The following MRPL41 variants were observed in gnomAD, a reference collection of about 807,000 sequenced individuals.
MRPL41 encodes the protein large ribosomal subunit protein mL41.
A neutral mutation model predicts 3.3 loss-of-function variants in MRPL41; 2 were observed. That is an observed-to-expected ratio of 0.60 (90% CI 0.25 to 1.90). The LOEUF is 1.90. Among genes scored for constraint, MRPL41 ranks in the 40% most tolerant of loss-of-function variants. The pLI, the probability that MRPL41 is intolerant of heterozygous loss-of-function variation, is 0.16. For synonymous variants in MRPL41, 93 were observed against 85.7 expected (o/e 1.08, Z -0.47); for missense variants, 161 against 192.2 (o/e 0.84, Z 0.96).
rs750105755 is a variant in MRPL41, at chr9:137,552,473, A to AC, written c.396dup (p.Arg133GlnfsTer21). 6 of 1,563,312 alleles carry AC rather than the reference A, an allele frequency of 3.8e-6. No individual in the cohort carries two copies. Among genetic ancestry groups the AC allele is most frequent in the African/African-American group, 2.8e-5 (2 of 72,442 alleles). ...CAGGAGGGAAAGCTCTTCCAGCTCTACCCCAGGAACTTCCTGCGCTAGCTG... is the reference window on the plus strand; with the variant it reads ...CAGGAGGGAAAGCTCTTCCAGCTCTACCCCCAGGAACTTCCTGCGCTAGCTG... On this transcript the variant is annotated frameshift_variant, in exon 2 of 2. Transcript: ENST00000371443. LOFTEE classifies it high-confidence loss of function.
chr9:137,552,035 G>C, intron 1 of MRPL41, 39 bp from the exon 2 acceptor site: 1 of 1,263,910 alleles, frequency 7.9e-7, no homozygotes, highest in Middle Eastern at 3.0e-4. Flanking sequence ...GGCTGGCCGG[G>C]TTCCCGGGGC....
rs900102497 is a variant in MRPL41 at position 137,551,942 on chromosome 9, G to T, written c.-45G>T. 14 of 648,174 alleles carry T rather than the reference G, an allele frequency of 2.2e-5. No individual in the cohort carries two copies. The African/African-American group carries it at 2.3e-4, about 11-fold the overall frequency. 40.2% of individuals were successfully genotyped at this position (648,174 alleles called of 1,614,324 possible). On this transcript the variant is annotated 5_prime_UTR_variant, in exon 1 of 2. Transcript: ENST00000371443. ...TCGAGGCCGGGTTGGCGCCGGAGCC[G>T]GGGCCGCTTGGAGCTCGTGTGGGGT...
intron 1 of MRPL41, 34 bp from the exon 2 acceptor site, chr9:137,552,040 C>G: frequency 7.9e-7 from 1 of 1,266,820 alleles, no homozygotes; most frequent in Non-Finnish European, 9.9e-7. Context: ...GCCGGGTTCC[C>G]GGGGCCGCGA....
chr9:137,552,300 C>T lies in MRPL41; in HGVS notation c.219C>T (p.Tyr73=), dbSNP rs745625583. 15 of 1,606,638 alleles carry T rather than the reference C, an allele frequency of 9.3e-6. No individual in the cohort carries two copies. The highest frequency in any genetic ancestry group is 1.1e-5 in the South Asian group (1 of 90,494). The change falls in exon 2 of 2, where the codon TAC becomes TAT. Residue 73 remains tyrosine (Y), a synonymous_variant. Transcript: ENST00000371443. ...TGACCGGCTTCAAGCTCAAGCCCTA[C>T]GTGAGCTACCTCGCCCCTGAGAGCG... ...PDLTGFKLKP[Y]VSYLAPESEE...
rs773763995 is a variant in MRPL41 at position 137,552,507 on chromosome 9, AG to A, written c.*16del. The stretch of plus-strand genomic sequence containing the variant: ...ACTTCCTGCGCTAGCTGGGCGGGGG[AG>A]GGGCGGCCTGCCCTCATCTCATTTC... On this transcript the variant is annotated 3_prime_UTR_variant, in exon 2 of 2. Transcript: ENST00000371443. 6.5e-7 allele frequency: 1 copy of A among 1,534,598 alleles called. No individual in the cohort carries two copies. The highest frequency in any genetic ancestry group is 8.8e-7 in the Non-Finnish European group (1 of 1,139,296).
At position 137,552,390 on chromosome 9, in the gene MRPL41, C is replaced by T. The variant is rs781268998; in HGVS notation, c.309C>T (p.Asp103=). Residue 103 remains aspartate (D), a synonymous_variant, in exon 2 of 2, where the codon GAC becomes GAT. Transcript: ENST00000371443. ...SEAVAPAIEK[D]FKDGTFDPDN... Reference sequence around the variant, plus strand: ...CCGTGGCGCCTGCCATCGAAAAGGACTTCAAGGACGGTACCTTCGACCCTG... The same window carrying T: ...CCGTGGCGCCTGCCATCGAAAAGGATTTCAAGGACGGTACCTTCGACCCTG... 5.0e-6 allele frequency: 8 copies of T among 1,610,672 alleles called. No homozygotes were observed. The African/African-American group carries it at 6.7e-5, about 13-fold the overall frequency.
At chr9:137,552,005 C>G in intron 1 of MRPL41, 27 bp downstream of exon 1, 1 of 1,180,844 alleles carries the variant, frequency 8.5e-7, no homozygotes, top group Non-Finnish European at 1.1e-6. Flanking sequence ...GGGGCGGGCG[C>G]CGCGCGCGGC....
In MRPL41 at chr9:137,552,310, C is replaced by T. The variant is rs769777430; in HGVS notation, c.229C>T (p.Leu77Phe). ...CAAGCTCAAGCCCTACGTGAGCTACCTCGCCCCTGAGAGCGAGGAGACGCC... is the reference window on the plus strand; with the variant it reads ...CAAGCTCAAGCCCTACGTGAGCTACTTCGCCCCTGAGAGCGAGGAGACGCC... ...GFKLKPYVSY[L>F]APESEETPLT... Residue 77 changes from leucine to phenylalanine, a missense_variant, in exon 2 of 2, where the codon CTC (leucine) becomes TTC (phenylalanine). By Grantham distance (22) the Leu-to-Phe change is conservative. Transcript: ENST00000371443. The T allele has an allele frequency of 1.9e-6, 3 of 1,608,754 alleles. No homozygotes were observed. Among genetic ancestry groups the T allele is most frequent in the East Asian group, 2.2e-5 (1 of 44,564 alleles).
In MRPL41 at chr9:137,552,183, G is replaced by T; in HGVS notation, c.102G>T (p.Lys34Asn). ...KRGPRSFRGR[K>N]GRGAKGIGFL... The stretch of plus-strand genomic sequence containing the variant: ...GCCCGCGCAGCTTCAGGGGCCGCAA[G>T]GGCCGGGGCGCCAAGGGCATCGGCT... The change falls in exon 2 of 2, where the codon AAG becomes AAT. Residue 34 changes from lysine to asparagine, a missense_variant. Coordinates refer to ENST00000371443, the MANE Select transcript of MRPL41 (RefSeq NM_032477.3). 6.5e-7 allele frequency: 1 copy of T among 1,548,136 alleles called. No homozygotes were observed. The highest frequency in any genetic ancestry group is 8.7e-7 in the Non-Finnish European group (1 of 1,149,446).
Position 137,552,317 on chromosome 9 carries a change from C to T in MRPL41, c.236C>T (p.Pro79Leu), listed in dbSNP as rs772187682. The change falls in exon 2 of 2, where the codon CCT (proline) becomes CTT (leucine). Residue 79 changes from proline (P) to leucine (L), a missense_variant. By Grantham distance (98) the Pro-to-Leu change is moderately conservative. Transcript: ENST00000371443. ...KLKPYVSYLAPESEETPLTAA... is the reference protein window; with the variant it reads ...KLKPYVSYLALESEETPLTAA... ...AAGCCCTACGTGAGCTACCTCGCCCCTGAGAGCGAGGAGACGCCCCTGACG... is the reference window on the plus strand; with the variant it reads ...AAGCCCTACGTGAGCTACCTCGCCCTTGAGAGCGAGGAGACGCCCCTGACG... 1.2e-6 allele frequency: 2 copies of T among 1,609,718 alleles called. No homozygotes were observed. The highest frequency in any genetic ancestry group is 1.7e-6 in the Non-Finnish European group (2 of 1,178,502).
In MRPL41 at chr9:137,552,299, A is replaced by G. The variant is rs1245214168; in HGVS notation, c.218A>G (p.Tyr73Cys). 6.2e-7 allele frequency: 1 copy of G among 1,606,674 alleles called. No homozygotes were observed. The highest frequency in any genetic ancestry group is 8.5e-7 in the Non-Finnish European group (1 of 1,176,698). Residue 73 changes from tyrosine (Y) to cysteine (C), a missense_variant, in exon 2 of 2, where the codon TAC becomes TGC. Transcript: ENST00000371443. ...CTGACCGGCTTCAAGCTCAAGCCCTACGTGAGCTACCTCGCCCCTGAGAGC... is the reference window on the plus strand; with the variant it reads ...CTGACCGGCTTCAAGCTCAAGCCCTGCGTGAGCTACCTCGCCCCTGAGAGC... ...PDLTGFKLKP[Y>C]VSYLAPESEE...
rs773940083 is a variant in MRPL41 at position 137,552,462 on chromosome 9, C to T, written c.381C>T (p.Leu127=). 2 of 1,582,760 alleles carry T rather than the reference C, an allele frequency of 1.3e-6. No individual in the cohort carries two copies. Among genetic ancestry groups the T allele is most frequent in the South Asian group, 2.3e-5 (2 of 88,584 alleles). The change falls in exon 2 of 2, where the codon CTC becomes CTT. Residue 127 remains leucine, a synonymous_variant. Transcript: ENST00000371443. The part of the protein sequence containing the change: ...YGFEPTQEGK[L]FQLYPRNFLR Reference sequence around the variant, plus strand: ...TCGAGCCCACACAGGAGGGAAAGCTCTTCCAGCTCTACCCCAGGAACTTCC... The same window carrying T: ...TCGAGCCCACACAGGAGGGAAAGCTTTTCCAGCTCTACCCCAGGAACTTCC...
rs1443780505 is a variant in MRPL41 at position 137,551,926 on chromosome 9, G to C, written c.-61G>C. 5.7e-6 allele frequency: 3 copies of C among 523,604 alleles called. No individual in the cohort carries two copies. In the African/African-American group the frequency reaches 5.9e-5, roughly 10 times the overall value. The allele number at this position is 523,604 out of a possible 1,614,324, so 32.4% of individuals were successfully genotyped here. A position where few individuals can be genotyped will look rare whatever the true frequency, so the allele number is the denominator to read the frequency against. On this transcript the variant is annotated 5_prime_UTR_variant, in exon 1 of 2. Transcript: ENST00000371443. ...CGGAAGCGGAGCAAGGTCGAGGCCG[G>C]GTTGGCGCCGGAGCCGGGGCCGCTT...
rs890938616 is a variant in MRPL41, at chr9:137,551,978, G to C, written c.-9G>C. 9.2e-6 allele frequency: 9 copies of C among 983,216 alleles called. No homozygotes were observed. Among genetic ancestry groups the C allele is most frequent in the East Asian group, 6.8e-5 (2 of 29,290 alleles). The allele number at this position is 983,216 out of a possible 1,614,324, so 60.9% of individuals were successfully genotyped here. ...GAGCTCGTGTGGGGTCTCCGGTCCA[G>C]GTGAGTCTGTCGGATTGGGGCGGGC... is the stretch of plus-strand genomic sequence containing the variant. On this transcript the variant is annotated splice_region_variant and 5_prime_UTR_variant, in exon 1 of 2. Coordinates refer to ENST00000371443, the MANE Select transcript of MRPL41 (RefSeq NM_032477.3).
rs1230117097 is a variant in MRPL41, at chr9:137,552,377, C to T, written c.296C>T (p.Ala99Val). The T allele has an allele frequency of 6.2e-7, 1 of 1,611,524 alleles. No homozygotes were observed. Among genetic ancestry groups the T allele is most frequent in the Non-Finnish European group, 8.5e-7 (1 of 1,179,276 alleles). The change falls in exon 2 of 2, where the codon GCC becomes GTC. Residue 99 changes from alanine to valine, a missense_variant. Transcript: ENST00000371443. ...CTCTTCAGCGAAGCCGTGGCGCCTG[C>T]CATCGAAAAGGACTTCAAGGACGGT... ...AQLFSEAVAPAIEKDFKDGTF... is the reference protein window; with the variant it reads ...AQLFSEAVAPVIEKDFKDGTF...
Position 137,552,222 on chromosome 9 carries a change from C to G in MRPL41, c.141C>G (p.Gly47=). The G allele has an allele frequency of 6.4e-7, 1 of 1,569,994 alleles. No homozygotes were observed. The highest frequency in any genetic ancestry group is 1.7e-4 in the Middle Eastern group (1 of 5,878). The change falls in exon 2 of 2, where the codon GGC becomes GGG. Residue 47 remains glycine (G), a synonymous_variant. Coordinates refer to ENST00000371443, the MANE Select transcript of MRPL41 (RefSeq NM_032477.3). ...GAKGIGFLTS[G]WRFVQIKEMV... ...AGGGCATCGGCTTCCTCACCTCGGG[C>G]TGGAGGTTCGTGCAGATCAAGGAGA... is the stretch of plus-strand genomic sequence containing the variant.
rs757166072 is a variant in MRPL41 at position 137,552,296 on chromosome 9, C to A, written c.215C>A (p.Pro72His). ...GATCTGACCGGCTTCAAGCTCAAGCCCTACGTGAGCTACCTCGCCCCTGAG... is the reference window on the plus strand; with the variant it reads ...GATCTGACCGGCTTCAAGCTCAAGCACTACGTGAGCTACCTCGCCCCTGAG... ...VPDLTGFKLK[P>H]YVSYLAPESE... The change falls in exon 2 of 2, where the codon CCC (proline) becomes CAC (histidine). Residue 72 changes from proline to histidine, a missense_variant. Coordinates refer to ENST00000371443, the MANE Select transcript of MRPL41 (RefSeq NM_032477.3). The A allele has an allele frequency of 1.9e-6, 3 of 1,604,776 alleles. No homozygotes were observed. Among genetic ancestry groups the A allele is most frequent in the Non-Finnish European group, 2.6e-6 (3 of 1,175,426 alleles).
Position 137,552,377 on chromosome 9 carries a change from C to G in MRPL41, c.296C>G (p.Ala99Gly). The part of the protein sequence containing the change: ...AQLFSEAVAP[A>G]IEKDFKDGTF... ...CTCTTCAGCGAAGCCGTGGCGCCTG[C>G]CATCGAAAAGGACTTCAAGGACGGT... is the stretch of plus-strand genomic sequence containing the variant. The change falls in exon 2 of 2, where the codon GCC (alanine) becomes GGC (glycine). Residue 99 changes from alanine (A) to glycine (G), a missense_variant. By Grantham distance (60) the Ala-to-Gly change is moderately conservative. Transcript: ENST00000371443. 6.2e-7 allele frequency: 1 copy of G among 1,611,524 alleles called. No homozygotes were observed.
At position 137,552,068 on chromosome 9, in the gene MRPL41, C is replaced by T. The variant is rs760570360; in HGVS notation, c.-8-6C>T. 22 of 1,331,932 alleles carry T rather than the reference C, an allele frequency of 1.7e-5. No individual in the cohort carries two copies. In the African/African-American group the frequency reaches 2.1e-4, roughly 13 times the overall value. 82.5% of individuals were successfully genotyped at this position (1,331,932 alleles called of 1,614,324 possible). ...GGCCGCGACTACCCGCTCTCTCCTC[C>T]CGCAGGGCGCGGCATGGGCGTCCTG... On this transcript the variant is annotated splice_region_variant and splice_polypyrimidine_tract_variant and intron_variant, in intron 1 of 1. Coordinates refer to ENST00000371443, the MANE Select transcript of MRPL41 (RefSeq NM_032477.3).
Sources: gnomAD v4.1 joint callset for allele counts on GRCh38, gnomAD v4.1.1 for gene constraint, MANE v1.5 for transcripts, NCBI Gene and HGNC (gene_info 2026-07-23, HGNC 2026-07-21) for gene names.